DIS3L2: variants seen among roughly 807,000 people sequenced by gnomAD.
DIS3L2 encodes the protein DIS3-like exonuclease 2.
Under a neutral mutation model 97.5 loss-of-function variants are expected in DIS3L2, and 34 were observed. That is an observed-to-expected ratio of 0.35 (90% CI 0.27 to 0.46). DIS3L2 has a LOEUF of 0.46. Among genes scored for constraint, DIS3L2 ranks in the 20% least tolerant of loss-of-function variants. The pLI, the probability that DIS3L2 is intolerant of heterozygous loss-of-function variation, is 1.00. For synonymous variants in DIS3L2, 435 were observed against 445.2 expected, an observed-to-expected ratio of 0.98 and a Z score of 0.29; for missense variants, 1,038 against 1,146.0, an observed-to-expected ratio of 0.91 and a Z score of 1.36.
rs1697157780 is a variant in DIS3L2, at chr2:232,100,256, C to T, written c.601+12535C>T. ...TTCACCATGTTGGCCAGGCTGGTCTCGAACTCCTGACCTGAAGTGATCTGC... is the reference window on the plus strand; with the variant it reads ...TTCACCATGTTGGCCAGGCTGGTCTTGAACTCCTGACCTGAAGTGATCTGC... On this transcript the variant is annotated intron_variant, in intron 6 of 20. Transcript: ENST00000325385. Among the ~76,000 whole-genome samples, 3 of 147,642 alleles carry T rather than the reference C, an allele frequency of 2.0e-5. No homozygotes were observed. In the South Asian group the frequency reaches 6.4e-4, roughly 31 times the overall value.
At chr2:232,329,617 G>T (rs1006426427) in intron 14 of DIS3L2, 196 bp from the exon 15 acceptor site, 8 of 529,350 alleles carry the variant, frequency 1.5e-5, no homozygotes, top group Non-Finnish European at 2.6e-5. Flanking sequence ...TAGACCAACT[G>T]GTGCAGGGAG....
At chr2:232,227,124 G>A (rs754611865) in intron 10 of DIS3L2, among the ~76,000 whole-genome samples, 4 of 152,184 alleles carry the variant, frequency 2.6e-5, no homozygotes, top group Non-Finnish European at 5.9e-5. Context: ...TATTGTTTCT[G>A]TAAAGGAATT....
At chr2:232,238,418 C>T in intron 10 of DIS3L2, 115 bp from the exon 11 acceptor site, 1 of 771,758 alleles carries the variant, frequency 1.3e-6, no homozygotes, top group Non-Finnish European at 2.1e-6. Flanking sequence ...AGATGTGTCA[C>T]CTAACTGCAG....
chr2:232,253,194 C>T (rs527301559), intron 12 of DIS3L2, among the ~76,000 whole-genome samples: 9 of 152,298 alleles, frequency 5.9e-5, no homozygotes, highest in African/African-American at 1.9e-4. Context: ...ATTTTTACTC[C>T]TCTGTCCAGA....
intron 6 of DIS3L2, among the ~76,000 whole-genome samples, chr2:232,126,001 C>T (rs1251236428): frequency 6.6e-6 from 1 of 152,158 alleles, no homozygotes. Context: ...TTGTAAATTT[C>T]TGTGGCCCTC....
intron 6 of DIS3L2, among the ~76,000 whole-genome samples, chr2:232,110,105 C>T (rs148545900): frequency 4.0e-4 from 61 of 152,228 alleles, no homozygotes; most frequent in Non-Finnish European, 7.2e-4. Flanking sequence ...AAAAAAAGCT[C>T]AACATCATTA....
intron 1 of DIS3L2, among the ~76,000 whole-genome samples, chr2:232,010,911 T>C (rs1694180147): frequency 6.6e-6 from 1 of 152,240 alleles, no homozygotes; most frequent in African/African-American, 2.4e-5. Flanking sequence ...ATAGGCTTCA[T>C]TTATTCCAAT....
At chr2:232,038,252 T>C (rs1200684019) in intron 5 of DIS3L2, among the ~76,000 whole-genome samples, 1 of 152,148 alleles carries the variant, frequency 6.6e-6, no homozygotes, top group Non-Finnish European at 1.5e-5. Flanking sequence ...AAGGAAACAT[T>C]CCTAGAGGTC....
At chr2:232,155,522 A>G (rs1195551985) in intron 8 of DIS3L2, among the ~76,000 whole-genome samples, 2 of 152,180 alleles carry the variant, frequency 1.3e-5, no homozygotes, top group Non-Finnish European at 2.9e-5. Context: ...CCACTAGAAT[A>G]TATTTCATTG....
chr2:232,234,277 G>A (rs1055177474), intron 10 of DIS3L2, among the ~76,000 whole-genome samples: 1 of 152,226 alleles, frequency 6.6e-6, no homozygotes, highest in African/African-American at 2.4e-5. Context: ...GTCAAAGTTA[G>A]CTTGTGTGTG....
chr2:232,223,848 G>C (rs1692570519), intron 10 of DIS3L2, among the ~76,000 whole-genome samples: 1 of 152,208 alleles, frequency 6.6e-6, no homozygotes, highest in African/African-American at 2.4e-5. Context: ...AACACTTTGG[G>C]AGGACAAGAT....
At chr2:232,241,023 G>A (rs567575733) in intron 11 of DIS3L2, among the ~76,000 whole-genome samples, 1 of 152,340 alleles carries the variant, frequency 6.6e-6, no homozygotes, top group Non-Finnish European at 1.5e-5. Flanking sequence ...GGGGAGCTGG[G>A]TGGAGGAAGG....
chr2:232,070,506 C>T (rs189008216), intron 5 of DIS3L2, among the ~76,000 whole-genome samples: 16 of 152,130 alleles, frequency 1.1e-4, no homozygotes, highest in Admixed American at 9.8e-4. Flanking sequence ...ACTGGGTCTC[C>T]TCTGGGAAGT....
chr2:232,280,783 CA>C (rs1238635662), intron 13 of DIS3L2, among the ~76,000 whole-genome samples: 1 of 152,154 alleles, frequency 6.6e-6, no homozygotes, highest in Non-Finnish European at 1.5e-5. Flanking sequence ...CAGAAAACAA[CA>C]ATGATAATTG....
intron 1 of DIS3L2, among the ~76,000 whole-genome samples, chr2:232,008,507 T>A (rs996410691): frequency 1.3e-5 from 2 of 152,182 alleles, no homozygotes; most frequent in African/African-American, 4.8e-5. Flanking sequence ...ACCCTTCCAA[T>A]TAACAGGTAG....
chr2:232,060,686 A>G (rs981051624), intron 5 of DIS3L2, among the ~76,000 whole-genome samples: 1 of 152,264 alleles, frequency 6.6e-6, no homozygotes, highest in Non-Finnish European at 1.5e-5. Flanking sequence ...TTCTATTTAT[A>G]TGAAGAATAT....
intron 5 of DIS3L2, among the ~76,000 whole-genome samples, chr2:232,051,224 A>G (rs185738267): frequency 7.7e-4 from 117 of 152,322 alleles, no homozygotes; most frequent in South Asian, 1.9e-3. Context: ...TATAAATGGT[A>G]TAAGTTTTTG....
intron 13 of DIS3L2, 28 bp from the exon 14 acceptor site, chr2:232,300,012 C>G (rs369473719): frequency 9.8e-5 from 158 of 1,609,616 alleles, no homozygotes; most frequent in Non-Finnish European, 2.6e-5. Context: ...CTGCCTAAAA[C>G]TTCTTTTTCT....
At chr2:232,044,547 A>G (rs1034762313) in intron 5 of DIS3L2, among the ~76,000 whole-genome samples, 1 of 152,156 alleles carries the variant, frequency 6.6e-6, no homozygotes, top group African/African-American at 2.4e-5. Flanking sequence ...TTGTTTCGAC[A>G]TGTTGAGTTT....
Sources: gnomAD v4.1 joint callset for allele counts (sites outside exome capture counted in the v4.1 genomes callset) on GRCh38, gnomAD v4.1.1 for gene constraint, MANE v1.5 for transcripts, NCBI Gene and HGNC (gene_info 2026-07-23, HGNC 2026-07-21) for gene names.